Variants in C4orf51 observed in about 807,000 individuals in gnomAD.
C4orf51 encodes the protein chromosome 4 open reading frame 51.
Under a neutral mutation model 25.2 loss-of-function variants are expected in C4orf51, and 25 were observed. The ratio of observed to expected loss-of-function variants is 0.99; its 90% CI spans 0.72 to 1.39. C4orf51 has a LOEUF of 1.39. Ranked by LOEUF, C4orf51 falls within the 40% of genes most tolerant of loss-of-function variation. The pLI is 0.00. For synonymous variants in C4orf51, 100 were observed against 84.5 expected, an observed-to-expected ratio of 1.18 and a Z score of -1.01; for missense variants, 252 against 239.6, an observed-to-expected ratio of 1.05 and a Z score of -0.34.
chr4:145,757,473 C>T (rs917767674), downstream of C4orf51, among the ~76,000 whole-genome samples: 5 of 152,162 alleles, frequency 3.3e-5, no homozygotes, highest in Non-Finnish European at 7.3e-5. Context: ...CGCTGTTCAA[C>T]ACTTGAATTT....
intron 2 of C4orf51, among the ~76,000 whole-genome samples, chr4:145,703,736 C>T (rs1276029339): frequency 6.6e-6 from 1 of 152,110 alleles, no homozygotes; most frequent in East Asian, 1.9e-4. Flanking sequence ...GTTTTCAGGT[C>T]TTATGTTTAA....
In C4orf51 at chr4:145,765,844, G is replaced by A; in HGVS notation, n.167-5144G>A. On this transcript the variant is annotated intron_variant and non_coding_transcript_variant, in intron 1 of 1. Transcript: ENST00000510096. This position sits in a 1 kb window ranked among gnomAD's most constrained non-coding sequence, Gnocchi z 4.7. ...TCTCATGGATGCATCATCATTCTGG[G>A]GGCACAGGCTCATGTCCCCAGCTCC... 1.7e-6 allele frequency: 2 copies of A among 1,180,366 alleles called. No homozygotes were observed. Among genetic ancestry groups the A allele is most frequent in the Non-Finnish European group, 2.4e-6 (2 of 850,342 alleles). The allele number at this position is 1,180,366 out of a possible 1,614,324, so 73.1% of individuals were successfully genotyped here. A position where few individuals can be genotyped will look rare whatever the true frequency, so the allele number is the denominator to read the frequency against.
At chr4:145,687,444 G>A (rs568794204) in intron 1 of C4orf51, among the ~76,000 whole-genome samples, 1 of 152,220 alleles carries the variant, frequency 6.6e-6, no homozygotes, top group African/African-American at 2.4e-5. Flanking sequence ...CCTTAACCTT[G>A]GCAAAATAAA....
chr4:145,728,159 A>G (rs1732219508), intron 3 of C4orf51, among the ~76,000 whole-genome samples: 1 of 150,326 alleles, frequency 6.7e-6, no homozygotes, highest in Non-Finnish European at 1.5e-5. Flanking sequence ...TGTAGCTGTA[A>G]AATCATCTCT....
chr4:145,758,089 G>T (rs1253773512), downstream of C4orf51: 1 of 152,246 alleles, frequency 6.6e-6, no homozygotes, highest in South Asian at 2.1e-4. Context: ...GAAAAATGCT[G>T]TAGATTTTTT....
intron 1 of C4orf51, among the ~76,000 whole-genome samples, chr4:145,764,125 G>T (rs1482733131): frequency 6.6e-6 from 1 of 152,196 alleles, no homozygotes; most frequent in African/African-American, 2.4e-5. Flanking sequence ...TAAGTAAAAT[G>T]TAATTTTTCA....
intron 1 of C4orf51, among the ~76,000 whole-genome samples, chr4:145,691,984 A>C: frequency 6.6e-6 from 1 of 152,216 alleles, no homozygotes; most frequent in African/African-American, 2.4e-5. Context: ...AGCTGATAGG[A>C]ATGTAAGTTG....
At chr4:145,693,055 G>A (rs1181221345) in intron 1 of C4orf51, among the ~76,000 whole-genome samples, 1 of 101,902 alleles carries the variant, frequency 9.8e-6, no homozygotes, top group African/African-American at 3.7e-5. Flanking sequence ...TTTTTTTATT[G>A]ATAATTCTTG....
chr4:145,681,462 T>C (rs1728833929), intron 1 of C4orf51, among the ~76,000 whole-genome samples: 1 of 152,240 alleles, frequency 6.6e-6, no homozygotes, highest in African/African-American at 2.4e-5. Context: ...ATTTTTAAAA[T>C]AACTCTCAAG....
chr4:145,756,683 C>A (rs1022505441), downstream of C4orf51, among the ~76,000 whole-genome samples: 17 of 152,196 alleles, frequency 1.1e-4, no homozygotes, highest in Middle Eastern at 3.4e-3. Context: ...AAGAAGTCTG[C>A]CTTATTTTAA....
chr4:145,693,017 GTTTTTTT>G (rs36157755), intron 1 of C4orf51, among the ~76,000 whole-genome samples: 1 of 112,552 alleles, frequency 8.9e-6, no homozygotes, highest in Non-Finnish European at 1.8e-5. Context: ...TTTTTCACCT[GTTTTTTT>G]TTTTTTTTTT....
At chr4:145,690,209 AAAAT>A (rs926159237) in intron 1 of C4orf51, among the ~76,000 whole-genome samples, 3 of 150,858 alleles carry the variant, frequency 2.0e-5, no homozygotes, top group African/African-American at 7.3e-5. Context: ...CTCCGTAAAA[AAAAT>A]AAATAAAATA....
intron 1 of C4orf51, among the ~76,000 whole-genome samples, chr4:145,694,358 T>A (rs1191382009): frequency 8.4e-5 from 12 of 143,466 alleles, no homozygotes; most frequent in African/African-American, 3.0e-4. Flanking sequence ...CACTGCCCCG[T>A]CCGGGAGGGA....
intron 1 of C4orf51, among the ~76,000 whole-genome samples, chr4:145,684,468 C>T (rs905622658): frequency 1.1e-4 from 16 of 151,898 alleles, no homozygotes; most frequent in African/African-American, 2.2e-4. Context: ...GGTGACAGAG[C>T]GAGACTCTGT....
At chr4:145,711,550 A>G (rs1162755223) in intron 2 of C4orf51, among the ~76,000 whole-genome samples, 7 of 152,098 alleles carry the variant, frequency 4.6e-5, no homozygotes, top group Admixed American at 6.5e-5. Context: ...TAGTCTGTAT[A>G]TTAGTTATCT....
At chr4:145,696,426 C>A in intron 1 of C4orf51, 133 bp from the exon 2 acceptor site, 3 of 725,762 alleles carry the variant, frequency 4.1e-6, no homozygotes, top group Non-Finnish European at 7.2e-6. Flanking sequence ...AATAACAAAC[C>A]TTCACATGTA....
intron 2 of C4orf51, among the ~76,000 whole-genome samples, chr4:145,698,558 A>G (rs1730223882): frequency 6.6e-6 from 1 of 152,224 alleles, no homozygotes; most frequent in African/African-American, 2.4e-5. Flanking sequence ...GTTTTATGAT[A>G]CAAATGAAGC....
intron 2 of C4orf51, among the ~76,000 whole-genome samples, chr4:145,708,419 A>C (rs1380388039): frequency 6.6e-6 from 1 of 152,226 alleles, no homozygotes; most frequent in African/African-American, 2.4e-5. Flanking sequence ...TGTGGTATCG[A>C]GACAAGATTA....
Position 145,761,939 on chromosome 4 carries a change from C to A in C4orf51, n.167-9049C>A, listed in dbSNP as rs534443397. ...CCCCTCCAGCCCCCGCCCGGCCCCT[C>A]GGAGCCCTCCCCACTCCCGACCAGA... On this transcript the variant is annotated intron_variant and non_coding_transcript_variant, in intron 1 of 1. Transcript: ENST00000510096. This position sits in a 1 kb window ranked among gnomAD's most constrained non-coding sequence, Gnocchi z 6.8. Among the ~76,000 whole-genome samples, 6 of 152,236 alleles carry A rather than the reference C, an allele frequency of 3.9e-5. No homozygotes were observed. Among genetic ancestry groups the A allele is most frequent in the African/African-American group, 1.4e-4 (6 of 41,544 alleles).
Sources: gnomAD v4.1 joint callset for allele counts (sites outside exome capture counted in the v4.1 genomes callset) on GRCh38, gnomAD v4.1.1 for gene constraint, Gnocchi (gnomAD v3.1) non-coding constraint, MANE v1.5 for transcripts, NCBI Gene and HGNC (gene_info 2026-07-23, HGNC 2026-07-21) for gene names.